Variants in PTGER3 observed in about 807,000 individuals in gnomAD.
The protein encoded by PTGER3 is prostaglandin E2 receptor EP3 subtype.
A neutral mutation model predicts 34.7 loss-of-function variants in PTGER3; 22 were observed. That is an observed-to-expected ratio of 0.63 (90% CI 0.45 to 0.91). The LOEUF is 0.91. Ranked by LOEUF, PTGER3 falls within the 40% of genes least tolerant of loss-of-function variation. PTGER3 has a pLI of 0.00. For missense variants in PTGER3, 468 were observed against 519.4 expected, an observed-to-expected ratio of 0.90 and a Z score of 0.96; for synonymous variants, 241 against 230.1, an observed-to-expected ratio of 1.05 and a Z score of -0.43.
chr1:71,030,947 C>T (rs753257376), intron 1 of PTGER3, among the ~76,000 whole-genome samples: 1 of 151,802 alleles, frequency 6.6e-6, no homozygotes, highest in East Asian at 1.9e-4. Flanking sequence ...TGACACATAG[C>T]ATTATAGTGT....
intron 4 of PTGER3, among the ~76,000 whole-genome samples, chr1:70,892,028 G>A (rs1291341037): frequency 3.3e-5 from 5 of 152,170 alleles, no homozygotes; most frequent in African/African-American, 1.2e-4. Flanking sequence ...TGTTGAAAGG[G>A]CTTCCTAGAC....
At chr1:71,032,347 C>T (rs986255348) in intron 1 of PTGER3, among the ~76,000 whole-genome samples, 1 of 152,170 alleles carries the variant, frequency 6.6e-6, no homozygotes, top group African/African-American at 2.4e-5. Flanking sequence ...GAAAATGCAA[C>T]TTTGTCATCT....
chr1:70,902,519 C>T (rs1411678989), intron 4 of PTGER3, among the ~76,000 whole-genome samples: 1 of 152,194 alleles, frequency 6.6e-6, no homozygotes, highest in African/African-American at 2.4e-5. Flanking sequence ...AAAGGTCACA[C>T]TGTGATAAGT....
intron 4 of PTGER3, among the ~76,000 whole-genome samples, chr1:70,894,438 A>C (rs1482934388): frequency 6.6e-6 from 1 of 152,070 alleles, no homozygotes; most frequent in Non-Finnish European, 1.5e-5. Flanking sequence ...AGAAAACTAC[A>C]TTGAATGCCT....
At chr1:71,045,832 G>A (rs1005747) in intron 1 of PTGER3, among the ~76,000 whole-genome samples, 54,108 of 151,778 alleles carry the variant, frequency 0.36, 10,696 homozygotes, top group Non-Finnish European at 0.45. Flanking sequence ...GCACCATGGC[G>A]AAAGGCTGAG....
intron 1 of PTGER3, among the ~76,000 whole-genome samples, chr1:71,037,634 C>G (rs114789837): frequency 1.3e-5 from 2 of 152,022 alleles, no homozygotes; most frequent in Non-Finnish European, 1.5e-5. Flanking sequence ...CCAATAGGGA[C>G]GATTTAATCT....
At chr1:70,946,033 A>G (rs1650195837) in intron 4 of PTGER3, among the ~76,000 whole-genome samples, 1 of 152,126 alleles carries the variant, frequency 6.6e-6, no homozygotes, top group African/African-American at 2.4e-5. Flanking sequence ...CATGACTTCC[A>G]TCGAAACGGT....
chr1:70,953,754 G>A (rs1476431351), intron 3 of PTGER3: 1 of 1,522,200 alleles, frequency 6.6e-7, no homozygotes, highest in Non-Finnish European at 8.8e-7. Context: ...TACTATCTTT[G>A]CAACTTACTT....
At chr1:70,890,716 C>T (rs936799652) in intron 4 of PTGER3, among the ~76,000 whole-genome samples, 4 of 152,142 alleles carry the variant, frequency 2.6e-5, no homozygotes, top group African/African-American at 7.2e-5. Context: ...CTGACCTATC[C>T]TTCATGGTGC....
intron 2 of PTGER3, among the ~76,000 whole-genome samples, chr1:70,981,392 T>TTTCCTTCCTTCCTTCC (rs71586957): frequency 4.9e-5 from 2 of 40,422 alleles, no homozygotes; most frequent in Admixed American, 3.3e-4. Context: ...TCTTTCTTTC[T>TTTCCTTCCTTCCTTCC]TTCCTTCCTT....
At chr1:71,030,485 G>A (rs932539562) in intron 1 of PTGER3, among the ~76,000 whole-genome samples, 2 of 152,144 alleles carry the variant, frequency 1.3e-5, no homozygotes. Context: ...TTTATAAATA[G>A]TTTAGTGAAA....
chr1:71,024,878 TTTATTTATTTATTTA>T, intron 1 of PTGER3, among the ~76,000 whole-genome samples: 1 of 1,048 alleles, frequency 9.5e-4, no homozygotes, highest in Middle Eastern at 0.25. Flanking sequence ...GATTCTTTTA[TTTATTTATTTATTTA>T]TTTATTTATT....
chr1:70,990,593 AC>A (rs1374896421), intron 2 of PTGER3, among the ~76,000 whole-genome samples: 1 of 151,858 alleles, frequency 6.6e-6, no homozygotes, highest in Non-Finnish European at 1.5e-5. Context: ...CAGTGGCATA[AC>A]CACAGCCTCC....
chr1:71,042,994 T>C (rs1248515497), intron 1 of PTGER3, among the ~76,000 whole-genome samples: 1 of 152,214 alleles, frequency 6.6e-6, no homozygotes, highest in Non-Finnish European at 1.5e-5. Context: ...TTTACTGTTT[T>C]TGAGATAGCT....
intron 1 of PTGER3, among the ~76,000 whole-genome samples, chr1:71,033,228 A>G (rs1170148921): frequency 6.6e-6 from 1 of 152,192 alleles, no homozygotes; most frequent in African/African-American, 2.4e-5. Context: ...TCAGAGTCAT[A>G]GGACAGGGAT....
At chr1:70,870,785 C>T (rs1646146388) in intron 4 of PTGER3, among the ~76,000 whole-genome samples, 1 of 152,220 alleles carries the variant, frequency 6.6e-6, no homozygotes, top group South Asian at 2.1e-4. Context: ...GTGACCTTTG[C>T]TCCAGGTCCC....
chr1:70,921,457 A>G (rs1647514911), intron 4 of PTGER3, among the ~76,000 whole-genome samples: 1 of 152,108 alleles, frequency 6.6e-6, no homozygotes, highest in African/African-American at 2.4e-5. Context: ...GTTTTAATTA[A>G]TGGAAAAAAG....
chr1:70,991,523 C>T (rs191998316), intron 2 of PTGER3, among the ~76,000 whole-genome samples: 220 of 152,172 alleles, frequency 1.4e-3, no homozygotes, highest in Non-Finnish European at 2.7e-3. Context: ...ACAAGGAGAC[C>T]CTGACACCAG....
chr1:70,984,242 C>T (rs1045299553), intron 2 of PTGER3, among the ~76,000 whole-genome samples: 1 of 151,592 alleles, frequency 6.6e-6, no homozygotes, highest in Non-Finnish European at 1.5e-5. Flanking sequence ...CAAAAATTAC[C>T]CAAGTGTGGT....
Sources: allele counts gnomAD v4.1 joint callset (sites outside exome capture counted in the v4.1 genomes callset), GRCh38; gene constraint gnomAD v4.1.1; transcripts MANE v1.5; gene names NCBI Gene and HGNC (gene_info 2026-07-23, HGNC 2026-07-21).